Variants in B4GALT2 observed in about 807,000 individuals in gnomAD.
B4GALT2 encodes the protein N-acetyllactosamine synthase.
Under a neutral mutation model 33.2 loss-of-function variants are expected in B4GALT2, and 18 were observed. The ratio of observed to expected loss-of-function variants is 0.54; its 90% CI spans 0.38 to 0.80. The LOEUF (loss-of-function observed/expected upper bound fraction) is 0.80, where lower values mean the gene tolerates loss of function less well. B4GALT2 is among the 30% of genes least tolerant of loss of function. The pLI, the probability that B4GALT2 is intolerant of heterozygous loss-of-function variation, is 0.00. For synonymous variants in B4GALT2, 214 were observed against 217.6 expected, an observed-to-expected ratio of 0.98 and a Z score of 0.15; for missense variants, 404 against 526.2, an observed-to-expected ratio of 0.77 and a Z score of 2.27.
chr1:43,982,158 G>A lies in B4GALT2; in HGVS notation c.549+234G>A, dbSNP rs2085607947. 6.6e-6 allele frequency among the ~76,000 whole-genome samples: 1 copy of A among 152,216 alleles called. No individual in the cohort carries two copies. Among genetic ancestry groups the A allele is most frequent in the Non-Finnish European group, 1.5e-5 (1 of 68,028 alleles). On this transcript the variant is annotated intron_variant, in intron 3 of 6. Coordinates refer to ENST00000372324, the MANE Select transcript of B4GALT2 (RefSeq NM_003780.5). This position sits in a 1 kb window ranked among gnomAD's most constrained non-coding sequence, Gnocchi z 4.3. ...TGAGCCCCACTCTCTACCCTTGGCAGGCCTCACCCCATGGTGGTGCAGGCC... is the reference window on the plus strand; with the variant it reads ...TGAGCCCCACTCTCTACCCTTGGCAAGCCTCACCCCATGGTGGTGCAGGCC...
chr1:43,987,303 T>C (rs2085669201), intron 6 of B4GALT2, among the ~76,000 whole-genome samples: 1 of 152,158 alleles, frequency 6.6e-6, no homozygotes, highest in Non-Finnish European at 1.5e-5. Flanking sequence ...GATTCATGGA[T>C]TGGGTATGAC....
chr1:43,990,179 A>G, intron 6 of B4GALT2, 119 bp from the exon 7 acceptor site: 1 of 1,287,958 alleles, frequency 7.8e-7, no homozygotes, highest in East Asian at 2.3e-5. Context: ...CCCTGTTTTT[A>G]AGGTTCCCTG....
chr1:43,987,679 C>A (rs1180503218), intron 6 of B4GALT2, among the ~76,000 whole-genome samples: 2 of 152,298 alleles, frequency 1.3e-5, no homozygotes, highest in East Asian at 1.9e-4. Context: ...TATGGCTTGG[C>A]CCCCAACTGG....
intron 1 of B4GALT2, chr1:43,980,282 A>G (rs2085580344): frequency 4.5e-6 from 2 of 443,608 alleles, no homozygotes; most frequent in African/African-American, 4.1e-5. Context: ...TGCTGTGCCC[A>G]TCTCCAGGCC....
In B4GALT2 at chr1:43,982,523, TG is replaced by T. The variant is rs2085612315; in HGVS notation, c.549+600del. Among the ~76,000 whole-genome samples, 1 of 152,136 alleles carries T rather than the reference TG, an allele frequency of 6.6e-6. No homozygotes were observed. Among genetic ancestry groups the T allele is most frequent in the Non-Finnish European group, 1.5e-5 (1 of 68,026 alleles). Reference sequence around the variant, plus strand: ...TCCAGCCCTGGGGTTGGGAAGCAGTTGCTGAGATGGGTCTTGCGGGATGAGC... The same window carrying T: ...TCCAGCCCTGGGGTTGGGAAGCAGTTCTGAGATGGGTCTTGCGGGATGAGC... On this transcript the variant is annotated intron_variant, in intron 3 of 6. Transcript: ENST00000372324. The surrounding 1 kb of genome is among the most constrained non-coding windows in gnomAD (Gnocchi z 4.3).
At chr1:43,986,698 C>A (rs915620064) in intron 6 of B4GALT2, among the ~76,000 whole-genome samples, 1 of 152,148 alleles carries the variant, frequency 6.6e-6, no homozygotes, top group Non-Finnish European at 1.5e-5. Context: ...TCTTGAATAC[C>A]TGATGGGAGG....
rs1434612794 is a variant in B4GALT2 at position 43,985,846 on chromosome 1, GC to G, written c.968+228del. 6.7e-6 allele frequency: 4 copies of G among 593,424 alleles called. No homozygotes were observed. The African/African-American group carries it at 7.4e-5, about 11-fold the overall frequency. 36.8% of individuals were successfully genotyped at this position (593,424 alleles called of 1,614,324 possible). The stretch of plus-strand genomic sequence containing the variant: ...TCCCCCAACCCCCAGCCCAGCCTCA[GC>G]CCAATATCTCTGACCTCTGGCCTGA... On this transcript the variant is annotated intron_variant, in intron 6 of 6. Transcript: ENST00000372324.
In B4GALT2 at chr1:43,982,521, G is replaced by A. The variant is rs1303012781; in HGVS notation, c.549+597G>A. 6.6e-6 allele frequency among the ~76,000 whole-genome samples: 1 copy of A among 152,222 alleles called. No homozygotes were observed. Among genetic ancestry groups the A allele is most frequent in the African/African-American group, 2.4e-5 (1 of 41,462 alleles). ...AGTCCAGCCCTGGGGTTGGGAAGCAGTTGCTGAGATGGGTCTTGCGGGATG... is the reference window on the plus strand; with the variant it reads ...AGTCCAGCCCTGGGGTTGGGAAGCAATTGCTGAGATGGGTCTTGCGGGATG... On this transcript the variant is annotated intron_variant, in intron 3 of 6. Transcript: ENST00000372324. The surrounding 1 kb of genome is among the most constrained non-coding windows in gnomAD (Gnocchi z 4.3).
rs759996261 is a variant in B4GALT2 at position 43,981,760 on chromosome 1, C to T, written c.385C>T (p.Leu129Phe). Reference protein sequence around the residue: ...ERVQRENPGVLMGGRYTPPDC... With the variant: ...ERVQRENPGVFMGGRYTPPDC... Reference sequence around the variant, plus strand: ...GGTGCAGAGGGAGAACCCAGGCGTGCTCATGGGCGGCCGATACACACCGCC... The same window carrying T: ...GGTGCAGAGGGAGAACCCAGGCGTGTTCATGGGCGGCCGATACACACCGCC... Residue 129 changes from leucine (L) to phenylalanine (F), a missense_variant, in exon 3 of 7, where the codon CTC becomes TTC. Transcript: ENST00000372324. The surrounding 1 kb of genome is among the most constrained non-coding windows in gnomAD (Gnocchi z 8.1). 5.6e-6 allele frequency: 9 copies of T among 1,613,426 alleles called. No homozygotes were observed. The highest frequency in any genetic ancestry group is 5.9e-6 in the Non-Finnish European group (7 of 1,180,012).
intron 6 of B4GALT2, chr1:43,986,064 G>A (rs986697375): frequency 3.8e-5 from 7 of 186,248 alleles, no homozygotes; most frequent in Admixed American, 1.1e-4. Context: ...GTATGGGAAG[G>A]GGGTGTGGAA....
Position 43,981,760 on chromosome 1 carries a change from C to G in B4GALT2, c.385C>G (p.Leu129Val). The change falls in exon 3 of 7, where the codon CTC becomes GTC. Residue 129 changes from leucine to valine, a missense_variant. Leu to Val is a conservative substitution (Grantham distance 32). Transcript: ENST00000372324. The surrounding 1 kb of genome is among the most constrained non-coding windows in gnomAD (Gnocchi z 8.1). Reference protein sequence around the residue: ...ERVQRENPGVLMGGRYTPPDC... With the variant: ...ERVQRENPGVVMGGRYTPPDC... ...GGTGCAGAGGGAGAACCCAGGCGTG[C>G]TCATGGGCGGCCGATACACACCGCC... 1 of 1,613,544 alleles carries G rather than the reference C, an allele frequency of 6.2e-7. No homozygotes were observed. Among genetic ancestry groups the G allele is most frequent in the Non-Finnish European group, 8.5e-7 (1 of 1,180,004 alleles).
chr1:43,985,875 C>A lies in B4GALT2; in HGVS notation c.968+254C>A, dbSNP rs955273774. 7.2e-6 allele frequency: 4 copies of A among 558,038 alleles called. No individual in the cohort carries two copies. The East Asian group carries it at 1.2e-4, about 17-fold the overall frequency. The allele number at this position is 558,038 out of a possible 1,614,324, so 34.6% of individuals were successfully genotyped here. On this transcript the variant is annotated intron_variant, in intron 6 of 6. Transcript: ENST00000372324. ...AATATCTCTGACCTCTGGCCTGATTCCTAGAGGTGACCAGAATTTAATGTC... is the reference window on the plus strand; with the variant it reads ...AATATCTCTGACCTCTGGCCTGATTACTAGAGGTGACCAGAATTTAATGTC...
chr1:43,986,072 G>T, intron 6 of B4GALT2: 1 of 180,948 alleles, frequency 5.5e-6, no homozygotes, highest in Non-Finnish European at 1.2e-5. Context: ...AGGGGGTGTG[G>T]AAAGACAGTG....
intron 1 of B4GALT2, chr1:43,980,131 T>A: frequency 7.3e-7 from 1 of 1,364,290 alleles, no homozygotes; most frequent in Non-Finnish European, 9.6e-7. Context: ...GGTGACCAGC[T>A]GGGACCAGGG....
intron 6 of B4GALT2, among the ~76,000 whole-genome samples, chr1:43,986,542 G>T (rs569379211): frequency 3.4e-4 from 52 of 152,322 alleles, no homozygotes; most frequent in South Asian, 1.5e-3. Context: ...TCTGGAATGT[G>T]AACATGTATG....
At chr1:43,985,986 G>C (rs2085655160) in intron 6 of B4GALT2, 1 of 309,896 alleles carries the variant, frequency 3.2e-6, no homozygotes, top group African/African-American at 2.1e-5. Flanking sequence ...CCCTGCCGGG[G>C]CAGATAGGAC....
chr1:43,980,891 T>C (rs1380997057), intron 1 of B4GALT2, among the ~76,000 whole-genome samples: 1 of 152,084 alleles, frequency 6.6e-6, no homozygotes, highest in Non-Finnish European at 1.5e-5. Flanking sequence ...TGTGGCTTAG[T>C]AGTGGGGTGT....
chr1:43,990,847 GTC>G lies in B4GALT2; in HGVS notation c.*403_*404del, dbSNP rs1270543370. The G allele has an allele frequency of 2.4e-5, 5 of 204,494 alleles. No homozygotes were observed. Among genetic ancestry groups the G allele is most frequent in the Non-Finnish European group, 4.1e-5 (4 of 98,594 alleles). The allele number at this position is 204,494 out of a possible 1,614,324, so 12.7% of individuals were successfully genotyped here. ...GTGGGAGGTATGTCTAGGGGGCAGT[GTC>G]TCTTCCAGGGGGAATTCTCAGCTCT... On this transcript the variant is annotated 3_prime_UTR_variant, in exon 7 of 7. Coordinates refer to ENST00000372324, the MANE Select transcript of B4GALT2 (RefSeq NM_003780.5).
Position 43,990,661 on chromosome 1 carries a change from T to C in B4GALT2, c.*213T>C. On this transcript the variant is annotated 3_prime_UTR_variant, in exon 7 of 7. Transcript: ENST00000372324. ...CAGGCTCTTCAAGTGTGGCCCTCTTTGGAGTCAACCCTCCTTCCCGACCCC... is the reference window on the plus strand; with the variant it reads ...CAGGCTCTTCAAGTGTGGCCCTCTTCGGAGTCAACCCTCCTTCCCGACCCC... 1.5e-6 allele frequency: 1 copy of C among 645,886 alleles called. No individual in the cohort carries two copies. The highest frequency in any genetic ancestry group is 2.9e-5 in the East Asian group (1 of 34,964). The allele number at this position is 645,886 out of a possible 1,614,324, so 40.0% of individuals were successfully genotyped here.
Sources: allele counts gnomAD v4.1 joint callset (sites outside exome capture counted in the v4.1 genomes callset), GRCh38; gene constraint gnomAD v4.1.1; non-coding constraint Gnocchi (gnomAD v3.1); transcripts MANE v1.5; gene names NCBI Gene and HGNC (gene_info 2026-07-23, HGNC 2026-07-21).